TNRC18: variants seen among roughly 807,000 people sequenced by gnomAD.
The protein encoded by TNRC18 is trinucleotide repeat-containing gene 18 protein.
TNRC18 carries 69 observed loss-of-function variants against 226.7 expected under a neutral mutation model. The ratio of observed to expected loss-of-function variants is 0.30; its 90% CI spans 0.25 to 0.37. The LOEUF (loss-of-function observed/expected upper bound fraction) is 0.37. Ranked by LOEUF, TNRC18 falls within the 10% of genes least tolerant of loss-of-function variation. The pLI is 1.00. For missense variants in TNRC18, 4,754 were observed against 4,256.6 expected, an observed-to-expected ratio of 1.12 and a Z score of -3.25; for synonymous variants, 2,449 against 1,927.6, an observed-to-expected ratio of 1.27 and a Z score of -7.09.
At chr7:5,391,835 TAA>T (rs112656100) in intron 3 of TNRC18, among the ~76,000 whole-genome samples, 98 of 125,422 alleles carry the variant, frequency 7.8e-4, no homozygotes, top group African/African-American at 1.5e-3. Context: ...CATCTCTATT[TAA>T]AAAAAAAAAA....
chr7:5,320,452 G>C lies in TNRC18; in HGVS notation c.6637-26C>G, dbSNP rs777963203. The C allele has an allele frequency of 1.2e-5, 19 of 1,563,330 alleles. No individual in the cohort carries two copies. In the Admixed American group the frequency reaches 1.7e-4, roughly 14 times the overall value. ...CTAGAAGGGCATGGGATGAGTGCAA[G>C]GTGTGGACACAGTTATGGCCATGGC... On this transcript the variant is annotated intron_variant, in intron 23 of 29. Coordinates refer to ENST00000430969, the MANE Select transcript of TNRC18 (RefSeq NM_001080495.3).
chr7:5,325,193 G>A lies in TNRC18; in HGVS notation c.6203C>T (p.Pro2068Leu). The A allele has an allele frequency of 6.4e-7, 1 of 1,554,304 alleles. No individual in the cohort carries two copies. Among genetic ancestry groups the A allele is most frequent in the Non-Finnish European group, 8.7e-7 (1 of 1,150,002 alleles). The change falls in exon 20 of 30, where the codon CCT (proline) becomes CTT (leucine). Residue 2068 changes from proline to leucine, a missense_variant. Physicochemically the swap from Pro to Leu is moderately conservative, Grantham distance 98. Transcript: ENST00000430969. ...PGAGLPPPRAPALPSEARAPH... is the reference protein window; with the variant it reads ...PGAGLPPPRALALPSEARAPH... ...AGCCCTGGCCTCAGAGGGCAAGGCAGGAGCTCGGGGCGGCGGCAGCCCAGC... is the reference window on the plus strand; with the variant it reads ...AGCCCTGGCCTCAGAGGGCAAGGCAAGAGCTCGGGGCGGCGGCAGCCCAGC...
intron 18 of TNRC18, among the ~76,000 whole-genome samples, chr7:5,336,477 C>T (rs923279250): frequency 2.6e-5 from 4 of 152,144 alleles, no homozygotes; most frequent in Non-Finnish European, 5.9e-5. Flanking sequence ...GGCACAGTGG[C>T]TCACACCTAT....
chr7:5,337,978 A>G (rs997331831), intron 18 of TNRC18, among the ~76,000 whole-genome samples: 20 of 152,150 alleles, frequency 1.3e-4, no homozygotes, highest in African/African-American at 4.8e-4. Flanking sequence ...GTGAGACTCC[A>G]TCTCAAAAAA....
rs1439635128 is a variant in TNRC18 at position 5,332,831 on chromosome 7, G to A, written c.5938C>T (p.Pro1980Ser). ...KARKLRGPKE[P>S]GFEAGPEASD... ...GCCTCGGGCCCCGCCTCGAAGCCAG[G>A]CTCCTTGGGGCCCCGCAGCTTCCGG... The change falls in exon 19 of 30, where the codon CCT (proline) becomes TCT (serine). Residue 1980 changes from proline (P) to serine (S), a missense_variant. Coordinates refer to ENST00000430969, the MANE Select transcript of TNRC18 (RefSeq NM_001080495.3). The A allele has an allele frequency of 2.7e-6, 4 of 1,506,186 alleles. No individual in the cohort carries two copies. Among genetic ancestry groups the A allele is most frequent in the South Asian group, 2.5e-5 (2 of 80,582 alleles). 93.3% of individuals were successfully genotyped at this position (1,506,186 alleles called of 1,614,324 possible).
intron 2 of TNRC18, among the ~76,000 whole-genome samples, chr7:5,396,810 G>A (rs1002148551): frequency 1.3e-5 from 2 of 152,112 alleles, no homozygotes; most frequent in African/African-American, 2.4e-5. Context: ...AGATGGCCCC[G>A]GTCCAGCCTG....
intron 3 of TNRC18, among the ~76,000 whole-genome samples, chr7:5,393,200 C>T (rs143325244): frequency 1.1e-4 from 17 of 152,348 alleles, no homozygotes; most frequent in Non-Finnish European, 2.2e-4. Flanking sequence ...GAGAGGCAGG[C>T]TCTCCTCATC....
intron 3 of TNRC18, among the ~76,000 whole-genome samples, chr7:5,391,405 T>G (rs982918297): frequency 1.3e-5 from 2 of 151,658 alleles, no homozygotes; most frequent in Non-Finnish European, 2.9e-5. Flanking sequence ...TCCACCTCCT[T>G]AGTTCAAGAG....
At chr7:5,414,015 C>T (rs535573192) in intron 2 of TNRC18, among the ~76,000 whole-genome samples, 5 of 152,152 alleles carry the variant, frequency 3.3e-5, no homozygotes, top group South Asian at 4.1e-4. Context: ...TGCAGTGGCA[C>T]GATCTCGGCT....
At chr7:5,345,067 C>T (rs561069454) in intron 18 of TNRC18, among the ~76,000 whole-genome samples, 33 of 152,306 alleles carry the variant, frequency 2.2e-4, no homozygotes, top group African/African-American at 7.2e-4. Flanking sequence ...CTGTCCCACC[C>T]GTTCTCCCAT....
chr7:5,355,171 G>A (rs1231433547), intron 16 of TNRC18, among the ~76,000 whole-genome samples: 1 of 152,234 alleles, frequency 6.6e-6, no homozygotes, highest in Non-Finnish European at 1.5e-5. Flanking sequence ...CCCTGGGCAT[G>A]AGGTGCTCTG....
chr7:5,339,351 T>C (rs1790443619), intron 18 of TNRC18, among the ~76,000 whole-genome samples: 1 of 151,580 alleles, frequency 6.6e-6, no homozygotes, highest in East Asian at 1.9e-4. Context: ...GCGATTCTTA[T>C]GCCACAACCT....
In TNRC18 at chr7:5,309,446, G is replaced by T. The variant is rs1476522191; in HGVS notation, c.8389-78C>A. ...CGCCGCCTGGCAGGCTCTGCCGCTTGGGACTCTGGGCCCTCGGCCTCTAAA... is the reference window on the plus strand; with the variant it reads ...CGCCGCCTGGCAGGCTCTGCCGCTTTGGACTCTGGGCCCTCGGCCTCTAAA... On this transcript the variant is annotated intron_variant, in intron 27 of 29. Transcript: ENST00000430969. This position sits in a 1 kb window ranked among gnomAD's most constrained non-coding sequence, Gnocchi z 5.7. 1 of 1,323,486 alleles carries T rather than the reference G, an allele frequency of 7.6e-7. No homozygotes were observed. Among genetic ancestry groups the T allele is most frequent in the African/African-American group, 1.5e-5 (1 of 68,442 alleles). The allele number at this position is 1,323,486 out of a possible 1,614,324, so 82.0% of individuals were successfully genotyped here.
At chr7:5,349,332 G>A (rs1228441391) in intron 17 of TNRC18, among the ~76,000 whole-genome samples, 2 of 152,204 alleles carry the variant, frequency 1.3e-5, no homozygotes, top group African/African-American at 4.8e-5. Context: ...CCACACCTGA[G>A]GCAATGCAGC....
intron 2 of TNRC18, chr7:5,420,469 T>A (rs1165253256): frequency 2.2e-6 from 1 of 452,198 alleles, no homozygotes; most frequent in Non-Finnish European, 4.4e-6. Flanking sequence ...AGGGCCGCCG[T>A]TCTCCCGGGG....
rs11554710 is a variant in TNRC18 at position 5,308,283 on chromosome 7, G to A, written c.8730C>T (p.Asp2910=). ...GCGACACCGTCTGCACGTCATTTTCGTCCACATGCGAGGACTGGTATAGCG... is the reference window on the plus strand; with the variant it reads ...GCGACACCGTCTGCACGTCATTTTCATCCACATGCGAGGACTGGTATAGCG... ...ERALYQSSHV[D]ENDVQTVSHK... The change falls in exon 30 of 30, where the codon GAC becomes GAT. Residue 2910 remains aspartate (D), a synonymous_variant. Transcript: ENST00000430969. 0.16 allele frequency: 263,121 copies of A among 1,611,854 alleles called. 22,717 individuals are homozygous for A. Among genetic ancestry groups the A allele is most frequent in the Non-Finnish European group, 0.18 (207,880 of 1,178,790 alleles).
At chr7:5,412,511 G>T (rs138420397) in intron 2 of TNRC18, among the ~76,000 whole-genome samples, 2 of 152,202 alleles carry the variant, frequency 1.3e-5, no homozygotes, top group Admixed American at 1.3e-4. Flanking sequence ...GGGAGGTGGA[G>T]GTTGCAGTGG....
At chr7:5,338,238 A>C (rs1790314477) in intron 18 of TNRC18, among the ~76,000 whole-genome samples, 1 of 152,158 alleles carries the variant, frequency 6.6e-6, no homozygotes, top group African/African-American at 2.4e-5. Flanking sequence ...TGGAATTCTT[A>C]AACATATTCA....
chr7:5,422,898 A>G (rs1387205055), intron 1 of TNRC18: 12 of 152,088 alleles, frequency 7.9e-5, no homozygotes, highest in Admixed American at 7.9e-4. Context: ...TTTTTTTGTA[A>G]GAGATTCTTT....
Sources: gnomAD v4.1 joint callset for allele counts (sites outside exome capture counted in the v4.1 genomes callset) on GRCh38, gnomAD v4.1.1 for gene constraint, Gnocchi (gnomAD v3.1) non-coding constraint, MANE v1.5 for transcripts, NCBI Gene and HGNC (gene_info 2026-07-23, HGNC 2026-07-21) for gene names.